ALKBH6: variants seen among roughly 807,000 people sequenced by gnomAD.
ALKBH6 encodes the protein probable RNA/DNA demethylase ALKBH6.
ALKBH6 carries 20 observed loss-of-function variants against 25.1 expected under a neutral mutation model. The observed-to-expected ratio is 0.80, with a 90% CI of 0.56 to 1.16. The LOEUF (loss-of-function observed/expected upper bound fraction) is 1.16. Among genes scored for constraint, ALKBH6 ranks in the 50% most tolerant of loss-of-function variants. The pLI is 0.00. For missense variants in ALKBH6, 263 were observed against 326.5 expected (o/e 0.81, Z 1.50); for synonymous variants, 156 against 147.5 (o/e 1.06, Z -0.42).
rs1568536491 is a variant in ALKBH6, at chr19:36,013,611, A to G, written c.-25-189T>C. On this transcript the variant is annotated intron_variant, in intron 1 of 6. Coordinates refer to ENST00000378875, the MANE Select transcript of ALKBH6 (RefSeq NM_032878.5). This position sits in a 1 kb window ranked among gnomAD's most constrained non-coding sequence, Gnocchi z 4.6. ...CCCCTACGTTCCATGCCCGGACACA[A>G]TGAGCCCCAAGAATAATCCCCCATT... The G allele has an allele frequency of 2.3e-5, 32 of 1,413,128 alleles. No homozygotes were observed. In the East Asian group the frequency reaches 8.4e-4, roughly 37 times the overall value. The allele number at this position is 1,413,128 out of a possible 1,614,324, so 87.5% of individuals were successfully genotyped here.
At chr19:36,012,975 A>G (rs1459308598) in intron 3 of ALKBH6, 46 bp downstream of exon 3, 1 of 1,553,370 alleles carries the variant, frequency 6.4e-7, no homozygotes, top group African/African-American at 1.4e-5. Context: ...ATTGGGGAGG[A>G]ATATGGGAAG....
Position 36,012,957 on chromosome 19 carries a change from G to A in ALKBH6, c.123+64C>T, listed in dbSNP as rs781322479. On this transcript the variant is annotated intron_variant, in intron 3 of 6. Coordinates refer to ENST00000378875, the MANE Select transcript of ALKBH6 (RefSeq NM_032878.5). ...GCAGCCTTGGGGGCTCTCATACAGAGGATGGACATTGGGGAGGAATATGGG... is the reference window on the plus strand; with the variant it reads ...GCAGCCTTGGGGGCTCTCATACAGAAGATGGACATTGGGGAGGAATATGGG... 50 of 1,502,050 alleles carry A rather than the reference G, an allele frequency of 3.3e-5. No homozygotes were observed. The Admixed American group carries it at 8.2e-4, about 25-fold the overall frequency. 93.0% of individuals were successfully genotyped at this position (1,502,050 alleles called of 1,614,324 possible).
chr19:36,009,478 AG>A lies in ALKBH6; in HGVS notation c.528del (p.Tyr177ThrfsTer13). 8.0e-7 allele frequency: 1 copy of A among 1,248,182 alleles called. No individual in the cohort carries two copies. Among genetic ancestry groups the A allele is most frequent in the South Asian group, 3.8e-5 (1 of 26,496 alleles). The allele number at this position is 1,248,182 out of a possible 1,614,324, so 77.3% of individuals were successfully genotyped here. A position where few individuals can be genotyped will look rare whatever the true frequency, so the allele number is the denominator to read the frequency against. ...GCGATGCCGTGGAGAAGACGCGTGT[AG>A]GCGGGGCCGCGGAGCACCAGCAGGC... ...PRSLLVLRGPAYTRLLHGIAA... is the reference protein window; with the variant it reads ...PRSLLVLRGPXYTRLLHGIAA... On this transcript the variant is annotated frameshift_variant, in exon 7 of 7. Coordinates refer to ENST00000378875, the MANE Select transcript of ALKBH6 (RefSeq NM_032878.5). LOFTEE classifies it high-confidence loss of function.
chr19:36,011,716 G>A (rs1348727897), intron 3 of ALKBH6: 1 of 432,292 alleles, frequency 2.3e-6, no homozygotes, highest in East Asian at 3.8e-5. Flanking sequence ...TCTGAGAGTT[G>A]TGGGTCTCAC....
upstream of ALKBH6, chr19:36,014,237 C>T (rs1282706029): frequency 3.1e-6 from 5 of 1,612,672 alleles, no homozygotes; most frequent in East Asian, 6.7e-5. Flanking sequence ...CAGCCATTTC[C>T]GCCCCACATT....
In ALKBH6 at chr19:36,010,802, T is replaced by G; in HGVS notation, c.336+92A>C. 1 of 1,576,058 alleles carries G rather than the reference T, an allele frequency of 6.3e-7. No homozygotes were observed. Among genetic ancestry groups the G allele is most frequent in the Non-Finnish European group, 8.7e-7 (1 of 1,146,678 alleles). On this transcript the variant is annotated intron_variant, in intron 5 of 6. Transcript: ENST00000378875. This position sits in a 1 kb window ranked among gnomAD's most constrained non-coding sequence, Gnocchi z 5.5. ...TGAATGCCTGTTTGGGAGATGTGGC[T>G]GCCTAATGAGTGAGGGTGGGTACAG...
At position 36,009,424 on chromosome 19, in the gene ALKBH6, C is replaced by T; in HGVS notation, c.583G>A (p.Ala195Thr). The change falls in exon 7 of 7, where the codon GCC (alanine) becomes ACC (threonine). Residue 195 changes from alanine to threonine, a missense_variant. This residue lies in a region of ALKBH6 where 148 missense variants were observed against 157.5 expected (regional missense o/e 0.94). Coordinates refer to ENST00000378875, the MANE Select transcript of ALKBH6 (RefSeq NM_032878.5). ...GCTGCCGCATTGGGCGGCGAGGAGG[C>T]GGCGTCCAGCGCGTCTACGCGGGCG... ...AAARVDALDA[A>T]SSPPNAAACP... 1.6e-6 allele frequency: 2 copies of T among 1,245,100 alleles called. No individual in the cohort carries two copies. Among genetic ancestry groups the T allele is most frequent in the South Asian group, 7.3e-5 (2 of 27,468 alleles). 77.1% of individuals were successfully genotyped at this position (1,245,100 alleles called of 1,614,324 possible). A position where few individuals can be genotyped will look rare whatever the true frequency, so the allele number is the denominator to read the frequency against.
intron 3 of ALKBH6, chr19:36,011,758 C>A (rs954224239): frequency 3.4e-6 from 1 of 297,540 alleles, no homozygotes; most frequent in Non-Finnish European, 6.4e-6. Flanking sequence ...CTGGACAGGG[C>A]TCTTTCAGCC....
In ALKBH6 at chr19:36,013,272, G is replaced by C; in HGVS notation, c.54+72C>G. 1 of 1,581,972 alleles carries C rather than the reference G, an allele frequency of 6.3e-7. No individual in the cohort carries two copies. Among genetic ancestry groups the C allele is most frequent in the Non-Finnish European group, 8.7e-7 (1 of 1,152,400 alleles). ...ACAGTAAGAATGAATTTGGTGGAAG[G>C]GGGCAGTCCCAACCCAAGAACTCAG... On this transcript the variant is annotated intron_variant, in intron 2 of 6. Transcript: ENST00000378875. The surrounding 1 kb of genome is among the most constrained non-coding windows in gnomAD (Gnocchi z 4.6).
intron 6 of ALKBH6, 55 bp from the exon 7 acceptor site, chr19:36,009,608 G>GGGGGGGGGC: frequency 2.4e-5 from 8 of 336,924 alleles, no homozygotes; most frequent in Non-Finnish European, 3.6e-5. Context: ...GTGGGGGTGG[G>GGGGGGGGGC]CGAGAGGTCG....
rs772685256 is a variant in ALKBH6, at chr19:36,010,417, G to A, written c.453+150C>T. On this transcript the variant is annotated intron_variant, in intron 6 of 6. Coordinates refer to ENST00000378875, the MANE Select transcript of ALKBH6 (RefSeq NM_032878.5). The surrounding 1 kb of genome is among the most constrained non-coding windows in gnomAD (Gnocchi z 5.5). ...TGTAAGCAGATGGGTTGGGTGTCTG[G>A]GAGGAAGTGGGTACACCCCATGAGG... The A allele has an allele frequency of 1.2e-4, 88 of 707,098 alleles. No individual in the cohort carries two copies. Among genetic ancestry groups the A allele is most frequent in the Non-Finnish European group, 1.1e-4 (46 of 405,310 alleles). The allele number at this position is 707,098 out of a possible 1,614,324, so 43.8% of individuals were successfully genotyped here.
Position 36,013,097 on chromosome 19 carries a change from A to G in ALKBH6, c.55-8T>C. 6.2e-7 allele frequency: 1 copy of G among 1,613,148 alleles called. No individual in the cohort carries two copies. The highest frequency in any genetic ancestry group is 2.2e-5 in the East Asian group (1 of 44,872). Reference sequence around the variant, plus strand: ...GTAGATTACAGGTGGTGCCTAGGATAGAAAGACCCCCTGAAGGTGTGGCCC... The same window carrying G: ...GTAGATTACAGGTGGTGCCTAGGATGGAAAGACCCCCTGAAGGTGTGGCCC... On this transcript the variant is annotated splice_polypyrimidine_tract_variant and splice_region_variant and intron_variant, in intron 2 of 6. Coordinates refer to ENST00000378875, the MANE Select transcript of ALKBH6 (RefSeq NM_032878.5). This position sits in a 1 kb window ranked among gnomAD's most constrained non-coding sequence, Gnocchi z 4.6.
Position 36,013,006 on chromosome 19 carries a change from G to C in ALKBH6, c.123+15C>G, listed in dbSNP as rs112551234. Reference sequence around the variant, plus strand: ...GGAAGAGTGGGAAAACAGACCAGTAGGGCACTGAGGTCACCTGTCGAAGCA... The same window carrying C: ...GGAAGAGTGGGAAAACAGACCAGTACGGCACTGAGGTCACCTGTCGAAGCA... On this transcript the variant is annotated intron_variant, in intron 3 of 6. Coordinates refer to ENST00000378875, the MANE Select transcript of ALKBH6 (RefSeq NM_032878.5). The surrounding 1 kb of genome is among the most constrained non-coding windows in gnomAD (Gnocchi z 4.6). 6.2e-7 allele frequency: 1 copy of C among 1,607,834 alleles called. No individual in the cohort carries two copies. Among genetic ancestry groups the C allele is most frequent in the African/African-American group, 1.3e-5 (1 of 74,864 alleles).
intron 3 of ALKBH6, chr19:36,011,803 G>A (rs912674097): frequency 2.5e-5 from 5 of 198,396 alleles, no homozygotes; most frequent in Admixed American, 5.3e-5. Context: ...TCCTGATTCC[G>A]TGCCAAACCT....
Position 36,010,542 on chromosome 19 carries a change from G to A in ALKBH6, c.453+25C>T. 6.3e-7 allele frequency: 1 copy of A among 1,596,954 alleles called. No individual in the cohort carries two copies. The highest frequency in any genetic ancestry group is 8.6e-7 in the Non-Finnish European group (1 of 1,165,490). The stretch of plus-strand genomic sequence containing the variant: ...TGCGAGGTTGAAGTGCCTACAAGCA[G>A]CTGGGGCAGTGTCTGGGGGCCCACC... On this transcript the variant is annotated intron_variant, in intron 6 of 6. Transcript: ENST00000378875. The surrounding 1 kb of genome is among the most constrained non-coding windows in gnomAD (Gnocchi z 5.5).
In ALKBH6 at chr19:36,009,549, C is replaced by G; in HGVS notation, c.458G>C (p.Arg153Pro). ...CGAGGTGGTGGGCCGGGGCGGAGGC[C>G]GAGGCTGCAGGGCGGGTTGAGGGTC... ...PEDDDPTEQPRPPPRPTTSLL... is the reference protein window; with the variant it reads ...PEDDDPTEQPPPPPRPTTSLL... The change falls in exon 7 of 7, where the codon CGG becomes CCG. Residue 153 changes from arginine to proline, a missense_variant. This residue lies in a region of ALKBH6 where 148 missense variants were observed against 157.5 expected (regional missense o/e 0.94). Transcript: ENST00000378875. 1.0e-6 allele frequency: 1 copy of G among 958,854 alleles called. No individual in the cohort carries two copies. Among genetic ancestry groups the G allele is most frequent in the Non-Finnish European group, 1.2e-6 (1 of 828,802 alleles). 59.4% of individuals were successfully genotyped at this position (958,854 alleles called of 1,614,324 possible).
chr19:36,012,160 A>AAAAC (rs1009309563), intron 3 of ALKBH6: 5 of 152,392 alleles, frequency 3.3e-5, no homozygotes, highest in Non-Finnish European at 2.9e-5. Flanking sequence ...ATTGTCTCAA[A>AAAAC]AAACAAACAA....
rs1357245135 is a variant in ALKBH6 at position 36,010,438 on chromosome 19, T to C, written c.453+129A>G. 2 of 808,310 alleles carry C rather than the reference T, an allele frequency of 2.5e-6. No individual in the cohort carries two copies. The highest frequency in any genetic ancestry group is 1.7e-5 in the African/African-American group (1 of 59,278). 50.1% of individuals were successfully genotyped at this position (808,310 alleles called of 1,614,324 possible). A position where few individuals can be genotyped will look rare whatever the true frequency, so the allele number is the denominator to read the frequency against. On this transcript the variant is annotated intron_variant, in intron 6 of 6. Transcript: ENST00000378875. The surrounding 1 kb of genome is among the most constrained non-coding windows in gnomAD (Gnocchi z 5.5). ...TCTGGGAGGAAGTGGGTACACCCCA[T>C]GAGGGGACAAGGGAAGGTATCTGGG...
At chr19:36,011,138 A>C in intron 4 of ALKBH6, 93 bp from the exon 5 acceptor site, 2 of 1,502,440 alleles carry the variant, frequency 1.3e-6, no homozygotes, top group Non-Finnish European at 9.0e-7. Flanking sequence ...TGATCCTCTC[A>C]GGGACCCCTG....
Sources: allele counts gnomAD v4.1 joint callset, GRCh38; gene constraint gnomAD v4.1.1; regional missense constraint gnomAD v4.1.1; non-coding constraint Gnocchi (gnomAD v3.1); transcripts MANE v1.5; gene names NCBI Gene and HGNC (gene_info 2026-07-23, HGNC 2026-07-21).